The following CNOT6L variants were observed in gnomAD, a reference collection of about 807,000 sequenced individuals.
CNOT6L encodes CCR4-NOT transcription complex subunit 6-like.
CNOT6L carries 7 observed loss-of-function variants against 64.0 expected under a neutral mutation model. The observed-to-expected ratio is 0.11, with a 90% CI of 0.06 to 0.21. The LOEUF (loss-of-function observed/expected upper bound fraction) is 0.21, where lower values mean the gene tolerates loss of function less well. CNOT6L is among the 10% of genes least tolerant of loss of function. The pLI is 1.00. For synonymous variants in CNOT6L, 193 were observed against 243.4 expected (o/e 0.79, Z 1.93); for missense variants, 245 against 669.0 (o/e 0.37, Z 6.99).
chr4:77,788,545 C>T (rs1230003818), intron 1 of CNOT6L, among the ~76,000 whole-genome samples: 7 of 151,914 alleles, frequency 4.6e-5, no homozygotes, highest in African/African-American at 7.3e-5. Context: ...CTGGGCAATA[C>T]GGCGAAACCC....
intron 4 of CNOT6L, among the ~76,000 whole-genome samples, chr4:77,770,864 G>A (rs1727461807): frequency 1.3e-5 from 2 of 152,120 alleles, no homozygotes; most frequent in Admixed American, 6.5e-5. Context: ...GGACTAAGGA[G>A]ATAATATTCA....
intron 4 of CNOT6L, among the ~76,000 whole-genome samples, chr4:77,768,565 A>G (rs915598947): frequency 5.4e-5 from 8 of 149,012 alleles, no homozygotes; most frequent in Non-Finnish European, 8.9e-5. Flanking sequence ...GAAAAGCCAT[A>G]GAGTGGGAGA....
Position 77,788,461 on chromosome 4 carries a change from C to T in CNOT6L, c.6-12069G>A, listed in dbSNP as rs140343589. Among the ~76,000 whole-genome samples the T allele has an allele frequency of 2.1e-3, 317 of 152,310 alleles. 1 individual carries two copies. Among genetic ancestry groups the T allele is most frequent in the African/African-American group, 7.2e-3 (301 of 41,568 alleles). On this transcript the variant is annotated intron_variant, in intron 1 of 11. Coordinates refer to ENST00000504123, the MANE Select transcript of CNOT6L (RefSeq NM_144571.3). ...TAGGCAATTCGGCCAGGCACCATGG[C>T]TCACGCCTGTAATCCCAGCACTTTG...
upstream of CNOT6L, among the ~76,000 whole-genome samples, chr4:77,820,067 G>T (rs1253305972): frequency 1.3e-5 from 2 of 152,174 alleles, no homozygotes; most frequent in Admixed American, 6.5e-5. Context: ...CGCTGCGGGG[G>T]TTGCCGCTGC....
chr4:77,722,366 G>A (rs1721368728), intron 11 of CNOT6L, among the ~76,000 whole-genome samples: 1 of 152,050 alleles, frequency 6.6e-6, no homozygotes, highest in Admixed American at 6.6e-5. Flanking sequence ...TTAATTACCA[G>A]CCTGGCCAAC....
intron 1 of CNOT6L, among the ~76,000 whole-genome samples, chr4:77,778,934 C>T: frequency 6.6e-6 from 1 of 151,296 alleles, no homozygotes; most frequent in East Asian, 2.0e-4. Context: ...GTAGTCCCAG[C>T]TACTCGGGAG....
chr4:77,810,487 T>G (rs1475216805), intron 1 of CNOT6L, among the ~76,000 whole-genome samples: 1 of 152,170 alleles, frequency 6.6e-6, no homozygotes, highest in Non-Finnish European at 1.5e-5. Flanking sequence ...ACCCCCAATA[T>G]GGCAAAGGTT....
At chr4:77,799,437 G>C (rs963980968) in intron 1 of CNOT6L, among the ~76,000 whole-genome samples, 2 of 152,050 alleles carry the variant, frequency 1.3e-5, no homozygotes, top group African/African-American at 2.4e-5. Context: ...GGGTGTGGTG[G>C]TTCACGCCTG....
chr4:77,816,977 T>G (rs541847297), intron 1 of CNOT6L, among the ~76,000 whole-genome samples: 6 of 152,282 alleles, frequency 3.9e-5, no homozygotes, highest in Admixed American at 2.0e-4. Context: ...ACAGAGGATT[T>G]TACCTTATAT....
intron 4 of CNOT6L, among the ~76,000 whole-genome samples, chr4:77,771,810 CTAAAA>C (rs1727588008): frequency 6.6e-6 from 1 of 152,126 alleles, no homozygotes; most frequent in South Asian, 2.1e-4. Context: ...ATCATGGAAA[CTAAAA>C]TAGTCTTTGA....
Position 77,767,020 on chromosome 4 carries a change from G to A in CNOT6L, c.400+6061C>T, listed in dbSNP as rs1405375521. On this transcript the variant is annotated intron_variant, in intron 4 of 11. Coordinates refer to ENST00000504123, the MANE Select transcript of CNOT6L (RefSeq NM_144571.3). Reference sequence around the variant, plus strand: ...AGTGGTTGCAGTGAGCCAAGATCGCGCCACTGCACTCCAGCCTGGGCAACA... The same window carrying A: ...AGTGGTTGCAGTGAGCCAAGATCGCACCACTGCACTCCAGCCTGGGCAACA... Among the ~76,000 whole-genome samples, 19 of 123,552 alleles carry A rather than the reference G, an allele frequency of 1.5e-4. 1 individual carries two copies. The East Asian group carries it at 2.7e-3, about 17-fold the overall frequency. The allele number at this position is 123,552 out of a possible 152,430, so 81.1% of individuals were successfully genotyped here. A position where few individuals can be genotyped will look rare whatever the true frequency, so the allele number is the denominator to read the frequency against.
At chr4:77,819,536 G>A, upstream of CNOT6L, 2 of 656,536 alleles carry the variant, frequency 3.0e-6, no homozygotes, top group Non-Finnish European at 4.4e-6. Flanking sequence ...CTCGCGGGCG[G>A]GCGCGCAGGG....
chr4:77,773,135 C>T lies in CNOT6L; in HGVS notation c.346G>A (p.Val116Ile), dbSNP rs1395633449. 1 of 1,591,354 alleles carries T rather than the reference C, an allele frequency of 6.3e-7. No individual in the cohort carries two copies. Among genetic ancestry groups the T allele is most frequent in the South Asian group, 1.2e-5 (1 of 85,910 alleles). ...AGCCGACCAAGTTCATAAGGCAAAA[C>T]CCGTAACAGATTGTTATTTAAAAGC... ...ELLLNNNLLR[V>I]LPYELGRLFQ... Residue 116 changes from valine to isoleucine, a missense_variant, in exon 4 of 12, where the codon GTT becomes ATT. Physicochemically the swap from Val to Ile is conservative, Grantham distance 29. This residue lies in a region of CNOT6L where 78 missense variants were observed against 137.6 expected (regional missense o/e 0.57). Transcript: ENST00000504123.
Position 77,773,158 on chromosome 4 carries a change from A to T in CNOT6L, c.323T>A (p.Leu108His). Residue 108 changes from leucine (L) to histidine (H), a missense_variant, in exon 4 of 12, where the codon CTT (leucine) becomes CAT (histidine). Around this residue, in one of 10 missense-constraint regions of CNOT6L, gnomAD observed 78 missense variants for 137.6 expected, o/e 0.57. Coordinates refer to ENST00000504123, the MANE Select transcript of CNOT6L (RefSeq NM_144571.3). ...LGNMVSLREL[L>H]LNNNLLRVLP... The stretch of plus-strand genomic sequence containing the variant: ...AACCCGTAACAGATTGTTATTTAAA[A>T]GCAATTCCCTGTTTTAAAAAAAAAA... 5 of 1,574,324 alleles carry T rather than the reference A, an allele frequency of 3.2e-6. No homozygotes were observed. The highest frequency in any genetic ancestry group is 4.3e-6 in the Non-Finnish European group (5 of 1,166,676).
At chr4:77,781,929 CCAAAATA>C (rs1402934971) in intron 1 of CNOT6L, among the ~76,000 whole-genome samples, 1 of 152,012 alleles carries the variant, frequency 6.6e-6, no homozygotes, top group African/African-American at 2.4e-5. Context: ...GAAATCTCAC[CCAAAATA>C]CAAATCACTA....
intron 10 of CNOT6L, among the ~76,000 whole-genome samples, chr4:77,727,667 C>CTGG (rs1469641435): frequency 6.6e-6 from 1 of 151,296 alleles, no homozygotes; most frequent in Non-Finnish European, 1.5e-5. Flanking sequence ...CCATGACAGT[C>CTGG]TGGTACCAAA....
At chr4:77,744,955 T>C in intron 6 of CNOT6L, 80 bp from the exon 7 acceptor site, 1 of 1,162,060 alleles carries the variant, frequency 8.6e-7, no homozygotes, top group Non-Finnish European at 1.2e-6. Context: ...TGTGTACACC[T>C]GCACAAGCAC....
intron 4 of CNOT6L, among the ~76,000 whole-genome samples, chr4:77,769,847 C>T (rs112860755): frequency 1.3e-5 from 2 of 152,156 alleles, no homozygotes; most frequent in African/African-American, 4.8e-5. Context: ...TTAGTGAGGT[C>T]CTACATATTT....
Position 77,761,901 on chromosome 4 carries a change from C to T in CNOT6L, c.401-4950G>A, listed in dbSNP as rs576712916. ...ATTTACAAACATCACAAGAGACAAGCCCAATACAATTAAATATCAATTGTA... is the reference window on the plus strand; with the variant it reads ...ATTTACAAACATCACAAGAGACAAGTCCAATACAATTAAATATCAATTGTA... On this transcript the variant is annotated intron_variant, in intron 4 of 11. Coordinates refer to ENST00000504123, the MANE Select transcript of CNOT6L (RefSeq NM_144571.3). 8.5e-5 allele frequency among the ~76,000 whole-genome samples: 13 copies of T among 152,084 alleles called. No homozygotes were observed. In the South Asian group the frequency reaches 1.7e-3, roughly 19 times the overall value.
Sources: allele counts gnomAD v4.1 joint callset (sites outside exome capture counted in the v4.1 genomes callset), GRCh38; gene constraint gnomAD v4.1.1; regional missense constraint gnomAD v4.1.1; transcripts MANE v1.5; gene names NCBI Gene and HGNC (gene_info 2026-07-23, HGNC 2026-07-21).